Variants in SNX29 observed in about 807,000 individuals in gnomAD.
The protein encoded by SNX29 is sorting nexin 29, also known as sorting nexin-29.
In SNX29, 78 loss-of-function variants were observed where a neutral mutation model predicts 102.1. The ratio of observed to expected loss-of-function variants is 0.76; its 90% CI spans 0.64 to 0.92. The LOEUF (loss-of-function observed/expected upper bound fraction) is 0.92, where lower values mean the gene tolerates loss of function less well. SNX29 is among the 40% of genes least tolerant of loss of function. SNX29 has a pLI of 0.00. For missense variants in SNX29, 1,280 were observed against 1,061.7 expected (o/e 1.21, Z -2.86); for synonymous variants, 580 against 414.5 (o/e 1.40, Z -4.85).
chr16:12,541,778 A>G (rs1283971537), intron 20 of SNX29, among the ~76,000 whole-genome samples: 1 of 151,504 alleles, frequency 6.6e-6, no homozygotes, highest in Non-Finnish European at 1.5e-5. Context: ...TGCGTTTCCA[A>G]CCCCCTGGAA....
rs1223575703 is a variant in SNX29 at position 12,571,703 on chromosome 16, C to A, written c.*3074C>A. On this transcript the variant is annotated 3_prime_UTR_variant, in exon 21 of 21. Transcript: ENST00000566228. The stretch of plus-strand genomic sequence containing the variant: ...GTCTCTCCTTGAGAGACAACAAAAG[C>A]TTCTAAGGGAGGGAGCTTAAAGGCT... The A allele has an allele frequency of 3.8e-6, 4 of 1,059,408 alleles. No individual in the cohort carries two copies. Among genetic ancestry groups the A allele is most frequent in the Admixed American group, 5.4e-5 (1 of 18,552 alleles). The allele number at this position is 1,059,408 out of a possible 1,614,324, so 65.6% of individuals were successfully genotyped here.
chr16:12,551,146 G>C (rs8062185), intron 20 of SNX29, among the ~76,000 whole-genome samples: 2,533 of 152,208 alleles, frequency 0.017, 81 homozygotes, highest in African/African-American at 0.058. Flanking sequence ...GCTGCCAGGA[G>C]AATCTCAGAA....
chr16:12,392,846 A>C (rs1438366337), intron 16 of SNX29, among the ~76,000 whole-genome samples: 1 of 152,192 alleles, frequency 6.6e-6, no homozygotes, highest in African/African-American at 2.4e-5. Flanking sequence ...GAACCCTGAA[A>C]GTGCTCCAGA....
chr16:12,271,489 T>C (rs1263044271), intron 14 of SNX29, among the ~76,000 whole-genome samples: 1 of 152,108 alleles, frequency 6.6e-6, no homozygotes, highest in East Asian at 1.9e-4. Flanking sequence ...TTATTGGAGG[T>C]GAGTCAATAA....
chr16:12,568,844 G>T lies in SNX29; in HGVS notation c.*215G>T. 1 of 687,518 alleles carries T rather than the reference G, an allele frequency of 1.5e-6. No homozygotes were observed. 42.6% of individuals were successfully genotyped at this position (687,518 alleles called of 1,614,324 possible). On this transcript the variant is annotated 3_prime_UTR_variant, in exon 21 of 21. Transcript: ENST00000566228. ...CGAGAGACCAAGGCAGCACCTCGCT[G>T]GAGAGACTGGGACACACAGTCCTTC...
intron 4 of SNX29, among the ~76,000 whole-genome samples, chr16:12,033,848 C>T (rs1456655710): frequency 6.6e-6 from 1 of 152,150 alleles, no homozygotes; most frequent in Admixed American, 6.6e-5. Context: ...TTCAGGTGAT[C>T]CGCCTGCCTT....
intron 16 of SNX29, among the ~76,000 whole-genome samples, chr16:12,386,720 A>C (rs989950077): frequency 2.0e-5 from 3 of 152,260 alleles, no homozygotes; most frequent in African/African-American, 7.2e-5. Flanking sequence ...TTTCCTGAAC[A>C]GTTCAAAGTG....
At chr16:12,248,203 A>T (rs576908450) in intron 14 of SNX29, among the ~76,000 whole-genome samples, 1 of 152,040 alleles carries the variant, frequency 6.6e-6, no homozygotes. Flanking sequence ...GAACACAATC[A>T]TATCCTGAGC....
chr16:12,251,560 G>A (rs1049004517), intron 14 of SNX29, among the ~76,000 whole-genome samples: 2 of 151,914 alleles, frequency 1.3e-5, no homozygotes, highest in South Asian at 2.1e-4. Context: ...AAAATTAGCC[G>A]GGCATGGTGG....
chr16:12,197,796 G>C (rs886503612), intron 13 of SNX29, among the ~76,000 whole-genome samples: 2 of 152,082 alleles, frequency 1.3e-5, no homozygotes, highest in Non-Finnish European at 2.9e-5. Flanking sequence ...GAGCTTTGGA[G>C]ATGAACGTCG....
intron 14 of SNX29, among the ~76,000 whole-genome samples, chr16:12,247,348 A>G (rs1447936047): frequency 6.6e-6 from 1 of 152,144 alleles, no homozygotes. Flanking sequence ...TATTATCAGG[A>G]TATATTCCTC....
chr16:12,570,575 C>T lies in SNX29; in HGVS notation c.*1946C>T, dbSNP rs1335485610. The T allele has an allele frequency of 4.3e-6, 1 of 232,158 alleles. No individual in the cohort carries two copies. The highest frequency in any genetic ancestry group is 8.5e-6 in the Non-Finnish European group (1 of 117,486). The allele number at this position is 232,158 out of a possible 1,614,324, so 14.4% of individuals were successfully genotyped here. ...CTCAGAGACTGTCTCAGGAGTGCCT[C>T]CCTGGCCTGGGTAGCTACCCTGGAG... On this transcript the variant is annotated 3_prime_UTR_variant, in exon 21 of 21. Transcript: ENST00000566228.
intron 3 of SNX29, among the ~76,000 whole-genome samples, chr16:12,011,831 C>T (rs2056663692): frequency 6.6e-6 from 1 of 152,092 alleles, no homozygotes; most frequent in African/African-American, 2.4e-5. Flanking sequence ...CTTTAAACCT[C>T]GCATGCACCA....
chr16:12,396,976 C>G lies in SNX29; in HGVS notation c.1900-1470C>G, dbSNP rs8048731. On this transcript the variant is annotated intron_variant, in intron 16 of 20. Coordinates refer to ENST00000566228, the MANE Select transcript of SNX29 (RefSeq NM_032167.5). ...GGTTAGGTCACTGCAGCCTTGAACT[C>G]CAGGACTCAAGTGATGCTCCCACGT... 6.8e-3 allele frequency among the ~76,000 whole-genome samples: 1,041 copies of G among 152,328 alleles called. 15 individuals carry two copies. The highest frequency in any genetic ancestry group is 0.024 in the African/African-American group (977 of 41,574).
intron 18 of SNX29, among the ~76,000 whole-genome samples, chr16:12,422,819 T>A (rs114294302): frequency 0.012 from 1,786 of 152,310 alleles, 40 homozygotes; most frequent in African/African-American, 0.04. Context: ...TCTGACAATT[T>A]CACTTTTGTG....
chr16:12,392,843 G>A (rs2083577937), intron 16 of SNX29, among the ~76,000 whole-genome samples: 1 of 152,178 alleles, frequency 6.6e-6, no homozygotes, highest in South Asian at 2.1e-4. Flanking sequence ...AGAGAACCCT[G>A]AAAGTGCTCC....
intron 8 of SNX29, among the ~76,000 whole-genome samples, chr16:12,060,108 C>T (rs185688757): frequency 1.3e-5 from 2 of 152,078 alleles, no homozygotes; most frequent in Non-Finnish European, 2.9e-5. Context: ...AGTTCCGCAT[C>T]TATGGTTTCA....
At position 12,572,564 on chromosome 16, in the gene SNX29, G is replaced by C. The variant is rs1373137603; in HGVS notation, c.*3935G>C. On this transcript the variant is annotated 3_prime_UTR_variant, in exon 21 of 21. Coordinates refer to ENST00000566228, the MANE Select transcript of SNX29 (RefSeq NM_032167.5). ...GCGACACCATCTGGCTCCTCACAGG[G>C]AGGTCCAGCCATGTTCTCTGGGCTC... 1.9e-6 allele frequency: 2 copies of C among 1,063,902 alleles called. No homozygotes were observed. Among genetic ancestry groups the C allele is most frequent in the Non-Finnish European group, 2.3e-6 (2 of 878,436 alleles). The allele number at this position is 1,063,902 out of a possible 1,614,324, so 65.9% of individuals were successfully genotyped here.
intron 11 of SNX29, among the ~76,000 whole-genome samples, chr16:12,084,757 A>T (rs920645029): frequency 1.3e-5 from 2 of 152,196 alleles, no homozygotes; most frequent in East Asian, 3.9e-4. Flanking sequence ...TTAGAACAGC[A>T]TCAGGATCAG....
Sources: gnomAD v4.1 joint callset for allele counts (sites outside exome capture counted in the v4.1 genomes callset) on GRCh38, gnomAD v4.1.1 for gene constraint, MANE v1.5 for transcripts, NCBI Gene and HGNC (gene_info 2026-07-23, HGNC 2026-07-21) for gene names.